Variants in SOX6 observed in about 807,000 individuals in gnomAD.
The protein encoded by SOX6 is transcription factor SOX-6.
SOX6 carries 11 observed loss-of-function variants against 97.8 expected under a neutral mutation model. The ratio of observed to expected loss-of-function variants is 0.11; its 90% CI spans 0.07 to 0.19. The LOEUF (loss-of-function observed/expected upper bound fraction) is 0.19, where lower values mean the gene tolerates loss of function less well. Ranked by LOEUF, SOX6 falls within the 10% of genes least tolerant of loss-of-function variation. The pLI is 1.00. For missense variants in SOX6, 810 were observed against 1,039.5 expected (o/e 0.78, Z 3.04); for synonymous variants, 360 against 371.4 (o/e 0.97, Z 0.35).
intron 1 of SOX6, among the ~76,000 whole-genome samples, chr11:16,347,648 C>T (rs1384731186): frequency 6.6e-6 from 1 of 151,956 alleles, no homozygotes; most frequent in African/African-American, 2.4e-5. Context: ...GAAACTGGCC[C>T]ATTAATATGG....
At chr11:16,251,559 G>A (rs1045363911) in intron 3 of SOX6, among the ~76,000 whole-genome samples, 2 of 151,966 alleles carry the variant, frequency 1.3e-5, no homozygotes, top group Admixed American at 6.6e-5. Flanking sequence ...ATAGAAAACA[G>A]AAATAGTGCT....
At chr11:16,495,915 C>T (rs1032906282) in intron 4 of SOX6, among the ~76,000 whole-genome samples, 4 of 152,178 alleles carry the variant, frequency 2.6e-5, no homozygotes, top group Non-Finnish European at 5.9e-5. Context: ...CAAAATATCA[C>T]CACAGCCTCC....
intron 3 of SOX6, among the ~76,000 whole-genome samples, chr11:16,682,074 T>A (rs148780330): frequency 0.2 from 29,928 of 152,166 alleles, 3,876 homozygotes; most frequent in Middle Eastern, 0.3. Flanking sequence ...ACTATTCCAA[T>A]CAATAGAAAA....
intron 1 of SOX6, among the ~76,000 whole-genome samples, chr11:16,363,017 G>A (rs569935975): frequency 2.2e-4 from 34 of 152,106 alleles, no homozygotes; most frequent in East Asian, 3.9e-4. Flanking sequence ...TAATTCATTC[G>A]GTAAATACAT....
chr11:15,967,527 A>C lies in SOX6; in HGVS notation c.*5282T>G, dbSNP rs1427626991. On this transcript the variant is annotated 3_prime_UTR_variant, in exon 16 of 16. Transcript: ENST00000683767. ...GCTTATAAGCTTGTCTAAGGTAATA[A>C]AAATTTTACATGGCAAATACAATAA... 1 of 152,260 alleles carries C rather than the reference A, an allele frequency of 6.6e-6. No individual in the cohort carries two copies. The highest frequency in any genetic ancestry group is 1.5e-5 in the Non-Finnish European group (1 of 68,042). The allele number at this position is 152,260 out of a possible 1,614,324, so 9.4% of individuals were successfully genotyped here.
At chr11:16,292,151 A>G (rs1274499349) in intron 3 of SOX6, among the ~76,000 whole-genome samples, 1 of 152,186 alleles carries the variant, frequency 6.6e-6, no homozygotes, top group Non-Finnish European at 1.5e-5. Context: ...AAGGAAAAGT[A>G]TCATCTTAAC....
intron 1 of SOX6, among the ~76,000 whole-genome samples, chr11:16,737,404 A>G (rs1590070198): frequency 1.3e-5 from 2 of 151,978 alleles, no homozygotes; most frequent in Admixed American, 1.3e-4. Context: ...ACGTGGTTTC[A>G]CCATGTTGAT....
intron 1 of SOX6, among the ~76,000 whole-genome samples, chr11:16,385,091 T>C (rs1003355908): frequency 6.6e-6 from 1 of 152,100 alleles, no homozygotes; most frequent in Non-Finnish European, 1.5e-5. Context: ...CTTCAAGTAC[T>C]GTTGTTATTA....
At chr11:16,647,594 T>G (rs944426447) in intron 3 of SOX6, among the ~76,000 whole-genome samples, 3 of 152,010 alleles carry the variant, frequency 2.0e-5, no homozygotes, top group Admixed American at 6.6e-5. Context: ...ACAGAAGAAA[T>G]GTACTAGAAA....
At chr11:16,657,303 C>T (rs1176204752) in intron 3 of SOX6, among the ~76,000 whole-genome samples, 1 of 152,128 alleles carries the variant, frequency 6.6e-6, no homozygotes, top group Non-Finnish European at 1.5e-5. Flanking sequence ...ATTTTTAACA[C>T]AATAATATTC....
intron 13 of SOX6, among the ~76,000 whole-genome samples, chr11:16,011,482 T>G (rs1854724038): frequency 6.6e-6 from 1 of 152,144 alleles, no homozygotes; most frequent in African/African-American, 2.4e-5. Context: ...CTTTTATATT[T>G]TTAATTTCTG....
At chr11:16,540,885 G>A (rs1285167439) in intron 4 of SOX6, among the ~76,000 whole-genome samples, 2 of 152,130 alleles carry the variant, frequency 1.3e-5, no homozygotes, top group South Asian at 2.1e-4. Context: ...TCGTGAAAAT[G>A]GCCATACTGC....
At chr11:16,354,079 T>C (rs1453500993) in intron 1 of SOX6, among the ~76,000 whole-genome samples, 2 of 151,994 alleles carry the variant, frequency 1.3e-5, no homozygotes, top group Non-Finnish European at 1.5e-5. Context: ...TACAGTATAA[T>C]GGAAAGGTTT....
intron 3 of SOX6, among the ~76,000 whole-genome samples, chr11:16,628,038 T>G (rs1848648424): frequency 6.6e-6 from 1 of 152,214 alleles, no homozygotes; most frequent in Non-Finnish European, 1.5e-5. Context: ...CAGAATCACT[T>G]ATTGAATAGG....
chr11:16,248,590 C>G (rs988150229), intron 3 of SOX6, among the ~76,000 whole-genome samples: 7 of 152,250 alleles, frequency 4.6e-5, no homozygotes, highest in Non-Finnish European at 7.3e-5. Context: ...AAGCAACAGC[C>G]TGAGCTGTAC....
intron 6 of SOX6, among the ~76,000 whole-genome samples, chr11:16,172,509 G>A (rs1851066276): frequency 6.6e-6 from 1 of 151,996 alleles, no homozygotes; most frequent in Non-Finnish European, 1.5e-5. Flanking sequence ...CTTCACAAAG[G>A]AAACCTGAAT....
intron 1 of SOX6, among the ~76,000 whole-genome samples, chr11:16,433,199 A>G (rs1859302836): frequency 1.3e-5 from 2 of 151,876 alleles, no homozygotes; most frequent in South Asian, 2.1e-4. Flanking sequence ...TGAAAATGTT[A>G]ACAATAGCAA....
At chr11:16,022,373 T>TCCTTCCTC (rs1485049397) in intron 12 of SOX6, among the ~76,000 whole-genome samples, 1,698 of 132,316 alleles carry the variant, frequency 0.013, 21 homozygotes, top group African/African-American at 0.026. Flanking sequence ...CTTCCTTCCT[T>TCCTTCCTC]CCTCCCTCCC....
rs552084364 is a variant in SOX6, at chr11:16,627,869, G to C, written n.430-15609C>G. ...TGAGGACTTAGTCATAAATTCTTTAGCAAGGCTGAAGTCCAGAATGGTGTT... is the reference window on the plus strand; with the variant it reads ...TGAGGACTTAGTCATAAATTCTTTACCAAGGCTGAAGTCCAGAATGGTGTT... On this transcript the variant is annotated intron_variant and non_coding_transcript_variant, in intron 3 of 5. Coordinates refer to the SOX6 transcript ENST00000524520. Among the ~76,000 whole-genome samples, 35 of 152,188 alleles carry C rather than the reference G, an allele frequency of 2.3e-4. No homozygotes were observed. In the South Asian group the frequency reaches 7.2e-3, roughly 31 times the overall value.
Sources: gnomAD v4.1 joint callset for allele counts (sites outside exome capture counted in the v4.1 genomes callset) on GRCh38, gnomAD v4.1.1 for gene constraint, MANE v1.5 for transcripts, NCBI Gene and HGNC (gene_info 2026-07-23, HGNC 2026-07-21) for gene names.